Variants in EEF1AKMT1 observed in about 807,000 individuals in gnomAD.
The protein encoded by EEF1AKMT1 is N-6 adenine-specific DNA methyltransferase 2 (putative).
Under a neutral mutation model 21.0 loss-of-function variants are expected in EEF1AKMT1, and 18 were observed. That is an observed-to-expected ratio of 0.86 (90% CI 0.59 to 1.27). The LOEUF is 1.27. Ranked by LOEUF, EEF1AKMT1 falls within the 50% of genes most tolerant of loss-of-function variation. The pLI, the probability that EEF1AKMT1 is intolerant of heterozygous loss-of-function variation, is 0.00. For missense variants in EEF1AKMT1, 246 were observed against 258.6 expected (o/e 0.95, Z 0.33); for synonymous variants, 109 against 94.8 (o/e 1.15, Z -0.87).
chr13:20,742,939 T>G (rs1477781197), intron 2 of EEF1AKMT1, among the ~76,000 whole-genome samples: 1 of 152,282 alleles, frequency 6.6e-6, no homozygotes, highest in East Asian at 1.9e-4. Flanking sequence ...AACTTGTTTA[T>G]GGTATCTTCT....
intron 1 of EEF1AKMT1, among the ~76,000 whole-genome samples, chr13:20,766,700 T>C (rs185287900): frequency 1.4e-3 from 217 of 152,166 alleles, no homozygotes; most frequent in African/African-American, 5.1e-3. Flanking sequence ...CAGGCGCCTG[T>C]AGTCCCAGCT....
At chr13:20,769,855 A>G (rs889995070) in intron 1 of EEF1AKMT1, among the ~76,000 whole-genome samples, 1 of 152,162 alleles carries the variant, frequency 6.6e-6, no homozygotes, top group Non-Finnish European at 1.5e-5. Flanking sequence ...TCATAGACAA[A>G]GACTTTAAAA....
At chr13:20,770,330 G>A (rs1395010304) in intron 1 of EEF1AKMT1, among the ~76,000 whole-genome samples, 2 of 152,038 alleles carry the variant, frequency 1.3e-5, no homozygotes, top group Admixed American at 6.6e-5. Context: ...TTTAATGGGT[G>A]TACTGTTCAG....
At chr13:20,765,870 G>C (rs2059028193) in intron 1 of EEF1AKMT1, among the ~76,000 whole-genome samples, 1 of 151,698 alleles carries the variant, frequency 6.6e-6, no homozygotes, top group East Asian at 1.9e-4. Context: ...AACATCATAT[G>C]ACAAGGTATT....
Position 20,731,474 on chromosome 13 carries a change from A to C in EEF1AKMT1, c.508+367T>G, listed in dbSNP as rs984305311. 2.6e-5 allele frequency among the ~76,000 whole-genome samples: 4 copies of C among 152,176 alleles called. No individual in the cohort carries two copies. The East Asian group carries it at 7.7e-4, about 29-fold the overall frequency. ...TCTACATTAACCCAATCTAATGTCTACTCTGTAACCTCAGGCAATTCACTT... is the reference window on the plus strand; with the variant it reads ...TCTACATTAACCCAATCTAATGTCTCCTCTGTAACCTCAGGCAATTCACTT... On this transcript the variant is annotated intron_variant, in intron 4 of 4. Transcript: ENST00000382758.
chr13:20,729,307 A>C (rs1323104358), intron 4 of EEF1AKMT1, 91 bp from the exon 5 acceptor site: 43 of 1,457,450 alleles, frequency 3.0e-5, no homozygotes, highest in Non-Finnish European at 3.3e-5. Flanking sequence ...TAGGCGGACC[A>C]CCGGTGGCAA....
chr13:20,758,194 C>T (rs1250030380), intron 1 of EEF1AKMT1, among the ~76,000 whole-genome samples: 1 of 151,676 alleles, frequency 6.6e-6, no homozygotes, highest in Non-Finnish European at 1.5e-5. Flanking sequence ...CATCTATTCT[C>T]TCTGAAGCCT....
At chr13:20,732,347 T>A (rs1230357892) in intron 3 of EEF1AKMT1, among the ~76,000 whole-genome samples, 4 of 152,232 alleles carry the variant, frequency 2.6e-5, no homozygotes, top group African/African-American at 9.6e-5. Context: ...TTTCTTTTTT[T>A]TTGAGATGGA....
chr13:20,738,420 G>A (rs556897585), intron 2 of EEF1AKMT1, among the ~76,000 whole-genome samples: 14 of 152,188 alleles, frequency 9.2e-5, no homozygotes, highest in East Asian at 1.9e-4. Context: ...AATTAAGCAG[G>A]AGTTTAATGG....
rs202079005 is a variant in EEF1AKMT1, at chr13:20,762,193, T to G, written c.-19-4576A>C. Among the ~76,000 whole-genome samples, 220 of 136,542 alleles carry G rather than the reference T, an allele frequency of 1.6e-3. 3 individuals carry two copies. The East Asian group carries it at 0.06, about 37-fold the overall frequency. The allele number at this position is 136,542 out of a possible 152,430, so 89.6% of individuals were successfully genotyped here. A position where few individuals can be genotyped will look rare whatever the true frequency, so the allele number is the denominator to read the frequency against. ...CATCAGTCTTTTTTTTTTTTTTTTT[T>G]TTAATTTGAGGCAGAGTCTTGCTCT... On this transcript the variant is annotated intron_variant, in intron 1 of 4. Coordinates refer to ENST00000382758, the MANE Select transcript of EEF1AKMT1 (RefSeq NM_001318939.2).
intron 3 of EEF1AKMT1, among the ~76,000 whole-genome samples, chr13:20,735,507 C>A (rs2058821776): frequency 6.6e-6 from 1 of 152,074 alleles, no homozygotes; most frequent in Non-Finnish European, 1.5e-5. Flanking sequence ...AAGGATGATG[C>A]CCACTAGATG....
chr13:20,736,102 T>C (rs2058824376), intron 3 of EEF1AKMT1, among the ~76,000 whole-genome samples: 1 of 152,150 alleles, frequency 6.6e-6, no homozygotes, highest in Non-Finnish European at 1.5e-5. Context: ...GTGTTGAGGA[T>C]GAATGGGCCC....
intron 1 of EEF1AKMT1, among the ~76,000 whole-genome samples, chr13:20,760,246 T>C (rs1350181067): frequency 6.6e-6 from 1 of 152,184 alleles, no homozygotes; most frequent in Admixed American, 6.5e-5. Context: ...AGGCTGTTTA[T>C]TGCAGGACTA....
At chr13:20,744,649 C>T (rs115114080) in intron 2 of EEF1AKMT1, among the ~76,000 whole-genome samples, 1,696 of 152,172 alleles carry the variant, frequency 0.011, 33 homozygotes, top group African/African-American at 0.039. Context: ...TTCACTCTGA[C>T]GATAGTTTCT....
intron 2 of EEF1AKMT1, chr13:20,747,459 A>ATTTTTTTTTTTTTTTTTTTTTTTTTTTT (rs1164591974): frequency 1.5e-5 from 1 of 66,156 alleles, no homozygotes; most frequent in Non-Finnish European, 3.2e-5. Flanking sequence ...AGTTAGGCAC[A>ATTTTTTTTTTTTTTTTTTTTTTTTTTTT]TTCTTTTTTT....
At chr13:20,739,168 G>C (rs1310942293) in intron 2 of EEF1AKMT1, among the ~76,000 whole-genome samples, 1 of 151,200 alleles carries the variant, frequency 6.6e-6, no homozygotes, top group African/African-American at 2.5e-5. Context: ...CCCATCCGAA[G>C]TTGTTCTTTG....
intron 3 of EEF1AKMT1, among the ~76,000 whole-genome samples, chr13:20,736,223 C>T (rs1301402851): frequency 6.6e-6 from 1 of 152,032 alleles, no homozygotes; most frequent in Admixed American, 6.6e-5. Context: ...AAGCAAGTTT[C>T]CTATAAGAAA....
intron 2 of EEF1AKMT1, among the ~76,000 whole-genome samples, chr13:20,754,255 G>C (rs1237881155): frequency 3.7e-5 from 5 of 135,184 alleles, no homozygotes; most frequent in Non-Finnish European, 7.9e-5. Flanking sequence ...AGAATCTTTT[G>C]TTGGCAGTTT....
intron 1 of EEF1AKMT1, among the ~76,000 whole-genome samples, chr13:20,770,624 A>AC (rs2059057846): frequency 6.6e-6 from 1 of 152,200 alleles, no homozygotes; most frequent in African/African-American, 2.4e-5. Flanking sequence ...TGATCTGCAA[A>AC]CAACTAAAAG....
Sources: allele counts gnomAD v4.1 joint callset (sites outside exome capture counted in the v4.1 genomes callset), GRCh38; gene constraint gnomAD v4.1.1; transcripts MANE v1.5; gene names NCBI Gene and HGNC (gene_info 2026-07-23, HGNC 2026-07-21).